Variants in SLC6A20 observed in about 807,000 individuals in gnomAD.
The protein encoded by SLC6A20 is sodium- and chloride-dependent transporter XTRP3.
A neutral mutation model predicts 64.3 loss-of-function variants in SLC6A20; 73 were observed. The ratio of observed to expected loss-of-function variants is 1.14; its 90% CI spans 0.94 to 1.38. The LOEUF is 1.38. Ranked by LOEUF, SLC6A20 falls within the 40% of genes most tolerant of loss-of-function variation. SLC6A20 has a pLI of 0.00. For missense variants in SLC6A20, 725 were observed against 772.8 expected (o/e 0.94, Z 0.73); for synonymous variants, 347 against 329.6 (o/e 1.05, Z -0.57).
intron 1 of SLC6A20, chr3:45,790,562 T>G (rs761555307): frequency 1.1e-4 from 16 of 152,184 alleles, no homozygotes; most frequent in Non-Finnish European, 2.1e-4. Flanking sequence ...TGAGAAAAAT[T>G]AAAGCCGTCT....
At chr3:45,789,140 G>A (rs777124488) in intron 1 of SLC6A20, among the ~76,000 whole-genome samples, 3 of 152,060 alleles carry the variant, frequency 2.0e-5, no homozygotes, top group Non-Finnish European at 4.4e-5. Context: ...TTCTTTCATA[G>A]GGTGATATCA....
At chr3:45,791,760 C>G (rs1049613145) in intron 1 of SLC6A20, 1 of 152,266 alleles carries the variant, frequency 6.6e-6, no homozygotes, top group African/African-American at 2.4e-5. Flanking sequence ...GAGTAGGAAG[C>G]TGCTACATAC....
chr3:45,791,201 G>A (rs1045752453), intron 1 of SLC6A20, among the ~76,000 whole-genome samples: 3 of 152,162 alleles, frequency 2.0e-5, no homozygotes, highest in African/African-American at 7.2e-5. Flanking sequence ...TCCCTGGCTT[G>A]CAGAAGATAC....
chr3:45,773,634 TGA>T (rs1451193638), intron 4 of SLC6A20, among the ~76,000 whole-genome samples: 1 of 152,206 alleles, frequency 6.6e-6, no homozygotes, highest in Non-Finnish European at 1.5e-5. Flanking sequence ...CCTTAAAGTT[TGA>T]GTCTCTCTGT....
intron 1 of SLC6A20, chr3:45,790,237 CA>C: frequency 6.6e-6 from 1 of 151,764 alleles, no homozygotes; most frequent in Admixed American, 6.5e-5. Context: ...AACAAACAAA[CA>C]AAAAACACAG....
At chr3:45,774,891 T>G (rs537298722) in intron 4 of SLC6A20, among the ~76,000 whole-genome samples, 1 of 152,350 alleles carries the variant, frequency 6.6e-6, no homozygotes, top group East Asian at 1.9e-4. Context: ...TTTACCTCTC[T>G]AAGCTTCAGG....
chr3:45,770,381 A>G lies in SLC6A20; in HGVS notation c.936-10T>C. 1.9e-6 allele frequency: 3 copies of G among 1,613,400 alleles called. No individual in the cohort carries two copies. Among genetic ancestry groups the G allele is most frequent in the Non-Finnish European group, 2.5e-6 (3 of 1,179,920 alleles). On this transcript the variant is annotated splice_polypyrimidine_tract_variant and intron_variant, in intron 6 of 10. Coordinates refer to ENST00000358525, the MANE Select transcript of SLC6A20 (RefSeq NM_020208.4). Reference sequence around the variant, plus strand: ...CAGCAGCAGACTCACCCTGCAGAGCAGACCATCGGATCGACCTTCACTGAT... The same window carrying G: ...CAGCAGCAGACTCACCCTGCAGAGCGGACCATCGGATCGACCTTCACTGAT...
chr3:45,771,577 G>A (rs899852366), intron 5 of SLC6A20, 119 bp from the exon 6 acceptor site: 113 of 1,505,572 alleles, frequency 7.5e-5, no homozygotes, highest in Non-Finnish European at 9.6e-5. Flanking sequence ...GCAGCCATCA[G>A]GGGCACCCCT....
intron 8 of SLC6A20, among the ~76,000 whole-genome samples, chr3:45,764,207 A>G (rs531507761): frequency 1.1e-4 from 16 of 152,236 alleles, no homozygotes; most frequent in Non-Finnish European, 1.9e-4. Context: ...AAGCCAGCTC[A>G]TTTCCTAAGA....
At chr3:45,787,096 CTCACCTGGTCAAATCT>C (rs1700182374) in intron 1 of SLC6A20, among the ~76,000 whole-genome samples, 1 of 152,220 alleles carries the variant, frequency 6.6e-6, no homozygotes, top group Non-Finnish European at 1.5e-5. Flanking sequence ...TCCCTAGCTT[CTCACCTGGTCAAATCT>C]TCCTTGGCTC....
chr3:45,770,956 G>C (rs1456585105), intron 6 of SLC6A20, among the ~76,000 whole-genome samples: 1 of 152,184 alleles, frequency 6.6e-6, no homozygotes, highest in Non-Finnish European at 1.5e-5. Context: ...TGGGGGAGAT[G>C]GGGTAGAAGA....
chr3:45,779,862 G>A (rs1700040076), intron 3 of SLC6A20, 147 bp downstream of exon 3: 3 of 817,412 alleles, frequency 3.7e-6, no homozygotes, highest in Admixed American at 2.5e-5. Flanking sequence ...TGGGGTGCAT[G>A]GCTTCCCCTC....
Position 45,775,900 on chromosome 3 carries a change from A to G in SLC6A20, c.443T>C (p.Phe148Ser). 6.2e-7 allele frequency: 1 copy of G among 1,614,178 alleles called. No individual in the cohort carries two copies. The highest frequency in any genetic ancestry group is 8.5e-7 in the Non-Finnish European group (1 of 1,180,030). Residue 148 changes from phenylalanine to serine, a missense_variant, in exon 4 of 11, where the codon TTC becomes TCC. Transcript: ENST00000358525. Reference protein sequence around the residue: ...ECEKASSTQYFWYRKTLNISP... With the variant: ...ECEKASSTQYSWYRKTLNISP... ...GATATTGAGGGTTTTCCTGTACCAG[A>G]AGTACTGTGTGGAGGACGCCTTCTC...
chr3:45,780,314 T>A (rs1700058321), intron 2 of SLC6A20, among the ~76,000 whole-genome samples: 1 of 152,216 alleles, frequency 6.6e-6, no homozygotes, highest in South Asian at 2.1e-4. Context: ...CCTCCTCACC[T>A]TCTGGGACAG....
rs2125714825 is a variant in SLC6A20, at chr3:45,758,338, T to G, written c.*640A>C. The stretch of plus-strand genomic sequence containing the variant: ...TGTGGTTTGGGGTTGCAAACTGTAG[T>G]TGGGGCAATTTTTTGTAGAGAGGTC... On this transcript the variant is annotated 3_prime_UTR_variant, in exon 11 of 11. Coordinates refer to ENST00000358525, the MANE Select transcript of SLC6A20 (RefSeq NM_020208.4). 1 of 1,025,492 alleles carries G rather than the reference T, an allele frequency of 9.8e-7. No individual in the cohort carries two copies. Among genetic ancestry groups the G allele is most frequent in the African/African-American group, 1.7e-5 (1 of 59,342 alleles). The allele number at this position is 1,025,492 out of a possible 1,614,324, so 63.5% of individuals were successfully genotyped here.
intron 1 of SLC6A20, among the ~76,000 whole-genome samples, chr3:45,791,002 T>C (rs1700240779): frequency 6.6e-6 from 1 of 152,212 alleles, no homozygotes; most frequent in Non-Finnish European, 1.5e-5. Context: ...AGCTTTGACT[T>C]CTCTTTCACA....
rs1038776593 is a variant in SLC6A20 at position 45,765,300 on chromosome 3, G to T, written c.1303+237C>A. 3.5e-4 allele frequency among the ~76,000 whole-genome samples: 54 copies of T among 152,298 alleles called. 1 individual carries two copies. Among genetic ancestry groups the T allele is most frequent in the Admixed American group, 3.2e-3 (49 of 15,298 alleles). On this transcript the variant is annotated intron_variant, in intron 8 of 10. Coordinates refer to ENST00000358525, the MANE Select transcript of SLC6A20 (RefSeq NM_020208.4). The surrounding 1 kb of genome is among the most constrained non-coding windows in gnomAD (Gnocchi z 4.2). ...GGAGAACTTTGAATGTCAGGTTGGG[G>T]AGTTGGGTTGGGGTGGCCACTTCAC...
chr3:45,760,947 C>T (rs368038458), intron 9 of SLC6A20, among the ~76,000 whole-genome samples: 1 of 152,284 alleles, frequency 6.6e-6, no homozygotes, highest in South Asian at 2.1e-4. Flanking sequence ...CTCCCTACAG[C>T]GGAAGAGGCA....
chr3:45,785,545 C>A (rs374393556), intron 1 of SLC6A20, among the ~76,000 whole-genome samples: 38 of 151,934 alleles, frequency 2.5e-4, no homozygotes, highest in African/African-American at 9.2e-4. Flanking sequence ...TTTCCTTGAT[C>A]CTCAGCTTGC....
Sources: allele counts gnomAD v4.1 joint callset (sites outside exome capture counted in the v4.1 genomes callset), GRCh38; gene constraint gnomAD v4.1.1; non-coding constraint Gnocchi (gnomAD v3.1); transcripts MANE v1.5; gene names NCBI Gene and HGNC (gene_info 2026-07-23, HGNC 2026-07-21).